Variants in UNC5A observed in about 807,000 individuals in gnomAD.
The protein encoded by UNC5A is unc-5 netrin receptor A, also known as netrin receptor UNC5A.
UNC5A carries 20 observed loss-of-function variants against 87.4 expected under a neutral mutation model. The observed-to-expected ratio is 0.23, with a 90% CI of 0.16 to 0.33. The LOEUF (loss-of-function observed/expected upper bound fraction) is 0.33. UNC5A is among the 10% of genes least tolerant of loss of function. The probability of loss-of-function intolerance (pLI) is 1.00; values close to 1 mark genes in which losing one functional copy is unlikely to be tolerated. For synonymous variants in UNC5A, 438 were observed against 482.3 expected, an observed-to-expected ratio of 0.91 and a Z score of 1.20; for missense variants, 844 against 1,133.4, an observed-to-expected ratio of 0.74 and a Z score of 3.67.
chr5:176,865,667 G>A lies in UNC5A; in HGVS notation c.293-2463G>A, dbSNP rs757219333. 26 of 456,540 alleles carry A rather than the reference G, an allele frequency of 5.7e-5. No homozygotes were observed. Among genetic ancestry groups the A allele is most frequent in the Non-Finnish European group, 1.1e-4 (25 of 227,000 alleles). 28.3% of individuals were successfully genotyped at this position (456,540 alleles called of 1,614,324 possible). ...CCACGGCAGATACCACGGCAGTGGCGCCACGCCGCCAAAGACCAAAGACCC... is the reference window on the plus strand; with the variant it reads ...CCACGGCAGATACCACGGCAGTGGCACCACGCCGCCAAAGACCAAAGACCC... On this transcript the variant is annotated intron_variant, in intron 2 of 14. Coordinates refer to ENST00000329542, the MANE Select transcript of UNC5A (RefSeq NM_133369.3). This position sits in a 1 kb window ranked among gnomAD's most constrained non-coding sequence, Gnocchi z 5.3.
intron 1 of UNC5A, among the ~76,000 whole-genome samples, chr5:176,853,079 G>A (rs1757584264): frequency 6.6e-6 from 1 of 152,272 alleles, no homozygotes; most frequent in African/African-American, 2.4e-5. Flanking sequence ...ACGGGTTAGA[G>A]CAGGCAGCTG....
chr5:176,870,321 G>C, intron 5 of UNC5A, 49 bp from the exon 6 acceptor site: 1 of 1,586,980 alleles, frequency 6.3e-7, no homozygotes, highest in Non-Finnish European at 8.6e-7. Flanking sequence ...TGCCGGGGTG[G>C]GCTCCCAGGC....
At chr5:176,863,689 G>C (rs915580221) in intron 2 of UNC5A, among the ~76,000 whole-genome samples, 5 of 150,130 alleles carry the variant, frequency 3.3e-5, no homozygotes, top group African/African-American at 1.2e-4. Context: ...AGAGAGAGAG[G>C]CAGGAGCAAA....
chr5:176,847,411 C>T (rs1008313700), intron 1 of UNC5A, among the ~76,000 whole-genome samples: 2 of 152,184 alleles, frequency 1.3e-5, no homozygotes, highest in African/African-American at 4.8e-5. Context: ...AACAGGCTGC[C>T]GAGGCGGGGG....
At chr5:176,878,682 T>TA in intron 13 of UNC5A, 43 bp downstream of exon 13, 1 of 1,577,786 alleles carries the variant, frequency 6.3e-7, no homozygotes. Flanking sequence ...GTGCTCCCAC[T>TA]ACCAACTCCC....
At chr5:176,878,973 G>A (rs10475632) in intron 13 of UNC5A, among the ~76,000 whole-genome samples, 20,725 of 152,142 alleles carry the variant, frequency 0.14, 2,014 homozygotes, top group African/African-American at 0.27. Context: ...CATTTCTGGC[G>A]GTGAGAGCTG....
At position 176,865,488 on chromosome 5, in the gene UNC5A, A is replaced by T. The variant is rs1757952381; in HGVS notation, c.293-2642A>T. The T allele has an allele frequency of 2.4e-6, 1 of 421,312 alleles. No individual in the cohort carries two copies. The highest frequency in any genetic ancestry group is 2.6e-5 in the Admixed American group (1 of 39,172). The allele number at this position is 421,312 out of a possible 1,614,324, so 26.1% of individuals were successfully genotyped here. ...GCCGGGCAGAGAAGCAGAGCTTGGGACACGTCCCACCCGTAACCGCCAGGG... is the reference window on the plus strand; with the variant it reads ...GCCGGGCAGAGAAGCAGAGCTTGGGTCACGTCCCACCCGTAACCGCCAGGG... On this transcript the variant is annotated intron_variant, in intron 2 of 14. Coordinates refer to ENST00000329542, the MANE Select transcript of UNC5A (RefSeq NM_133369.3). This position sits in a 1 kb window ranked among gnomAD's most constrained non-coding sequence, Gnocchi z 5.3.
chr5:176,832,362 T>G (rs1757051570), intron 1 of UNC5A, among the ~76,000 whole-genome samples: 1 of 152,216 alleles, frequency 6.6e-6, no homozygotes. Flanking sequence ...AGTTGTGAAA[T>G]GCTTAGGACA....
intron 1 of UNC5A, among the ~76,000 whole-genome samples, chr5:176,845,148 T>G (rs1757373908): frequency 1.3e-5 from 2 of 152,144 alleles, no homozygotes; most frequent in Non-Finnish European, 1.5e-5. Context: ...CCCGGGGATG[T>G]TTTTCATAGC....
At chr5:176,833,689 C>A (rs868632766) in intron 1 of UNC5A, among the ~76,000 whole-genome samples, 1 of 152,004 alleles carries the variant, frequency 6.6e-6, no homozygotes, top group Middle Eastern at 3.4e-3. Context: ...AGTCACACAG[C>A]CTCTTTTTTT....
chr5:176,830,580 G>GCA (rs1491552608), intron 1 of UNC5A, among the ~76,000 whole-genome samples: 12 of 141,254 alleles, frequency 8.5e-5, no homozygotes, highest in Non-Finnish European at 1.6e-4. Context: ...GTGTGTGTGT[G>GCA]CGCGTGCTGG....
At chr5:176,859,450 G>T (rs1274738555) in intron 1 of UNC5A, among the ~76,000 whole-genome samples, 2 of 147,926 alleles carry the variant, frequency 1.4e-5, no homozygotes, top group Non-Finnish European at 3.0e-5. Context: ...TTGCTAGAGG[G>T]CATAGCTGCT....
chr5:176,839,016 T>C (rs1397875144), intron 1 of UNC5A, among the ~76,000 whole-genome samples: 2 of 152,208 alleles, frequency 1.3e-5, no homozygotes, highest in African/African-American at 4.8e-5. Flanking sequence ...GGGAAAGCAG[T>C]CAGCAGGTGT....
At position 176,843,803 on chromosome 5, in the gene UNC5A, C is replaced by T. The variant is rs531204795; in HGVS notation, c.71-18821C>T. ...TCTCCTCCCACTCGGCGGCTGGGCC[C>T]GGCCGTGGTGTGTGATGGGCCGTCT... is the stretch of plus-strand genomic sequence containing the variant. On this transcript the variant is annotated intron_variant, in intron 1 of 14. Transcript: ENST00000329542. Among the ~76,000 whole-genome samples, 23 of 152,316 alleles carry T rather than the reference C, an allele frequency of 1.5e-4. No homozygotes were observed. The East Asian group carries it at 4.1e-3, about 27-fold the overall frequency.
chr5:176,834,701 C>CTCTCTCTCTG (rs1428448502), intron 1 of UNC5A, among the ~76,000 whole-genome samples: 9 of 148,610 alleles, frequency 6.1e-5, no homozygotes, highest in African/African-American at 1.5e-4. Context: ...CTCTCTCTCT[C>CTCTCTCTCTG]TCTGTCTCTC....
chr5:176,845,927 G>A (rs1298249457), intron 1 of UNC5A, among the ~76,000 whole-genome samples: 1 of 152,218 alleles, frequency 6.6e-6, no homozygotes, highest in South Asian at 2.1e-4. Context: ...AGAGCACCGG[G>A]AGAGCCAACA....
In UNC5A at chr5:176,869,029, G is replaced by C. The variant is rs964470732; in HGVS notation, c.721+65G>C. On this transcript the variant is annotated intron_variant, in intron 5 of 14. Coordinates refer to ENST00000329542, the MANE Select transcript of UNC5A (RefSeq NM_133369.3). This position sits in a 1 kb window ranked among gnomAD's most constrained non-coding sequence, Gnocchi z 9.1. ...CGGTGCCCCTGGGCAGTGACATGTGGCTGGTGGGGTGAAGAGAGGCCATGA... is the reference window on the plus strand; with the variant it reads ...CGGTGCCCCTGGGCAGTGACATGTGCCTGGTGGGGTGAAGAGAGGCCATGA... 3.8e-5 allele frequency: 58 copies of C among 1,512,792 alleles called. 2 individuals carry two copies. The South Asian group carries it at 6.8e-4, about 18-fold the overall frequency. 93.7% of individuals were successfully genotyped at this position (1,512,792 alleles called of 1,614,324 possible).
At chr5:176,835,753 G>GTATGTA (rs1554097415) in intron 1 of UNC5A, among the ~76,000 whole-genome samples, 1 of 151,502 alleles carries the variant, frequency 6.6e-6, no homozygotes, top group African/African-American at 2.4e-5. Context: ...GTGTGTGTGT[G>GTATGTA]TGTGTGTGTC....
Position 176,878,098 on chromosome 5 carries a change from T to C in UNC5A, c.1840T>C (p.Cys614Arg). ...TSLEYNIRVY[C>R]LHDTHDALKE... is the part of the protein sequence containing the mutation. ...CCTCGAGTACAACATCCGGGTCTAC[T>C]GCCTGCATGACACCCACGATGCACT... Residue 614 changes from cysteine (C) to arginine (R), a missense_variant, in exon 11 of 15, where the codon TGC becomes CGC. By Grantham distance (180) the Cys-to-Arg change is radical. Around this residue, in one of 3 missense-constraint regions of UNC5A, gnomAD observed 353 missense variants for 387.5 expected, o/e 0.91. Transcript: ENST00000329542. 2 of 1,609,566 alleles carry C rather than the reference T, an allele frequency of 1.2e-6. No homozygotes were observed. Among genetic ancestry groups the C allele is most frequent in the Non-Finnish European group, 1.7e-6 (2 of 1,179,934 alleles).
Sources: allele counts gnomAD v4.1 joint callset (sites outside exome capture counted in the v4.1 genomes callset), GRCh38; gene constraint gnomAD v4.1.1; regional missense constraint gnomAD v4.1.1; non-coding constraint Gnocchi (gnomAD v3.1); transcripts MANE v1.5; gene names NCBI Gene and HGNC (gene_info 2026-07-23, HGNC 2026-07-21).